Variants in SULT1E1 observed in about 807,000 individuals in gnomAD.
SULT1E1 encodes the protein sulfotransferase 1E1.
In SULT1E1, 36 loss-of-function variants were observed where a neutral mutation model predicts 33.6. That is an observed-to-expected ratio of 1.07 (90% confidence interval 0.82 to 1.41). The LOEUF (loss-of-function observed/expected upper bound fraction) is 1.41. Ranked by LOEUF, SULT1E1 falls within the 40% of genes most tolerant of loss-of-function variation. The probability of loss-of-function intolerance (pLI) is 0.00; values close to 1 mark genes in which losing one functional copy is unlikely to be tolerated. For synonymous variants in SULT1E1, 121 were observed against 111.7 expected, an observed-to-expected ratio of 1.08 and a Z score of -0.53; for missense variants, 371 against 345.7, an observed-to-expected ratio of 1.07 and a Z score of -0.58.
the SULT1E1 span, among the ~76,000 whole-genome samples, chr4:69,834,807 CG>C: frequency 6.6e-6 from 1 of 152,058 alleles, no homozygotes; most frequent in Non-Finnish European, 1.5e-5. Context: ...ATAAAATTTA[CG>C]TAAATTTCCC....
chr4:69,857,766 C>T lies in SULT1E1; in HGVS notation c.-9-113G>A, dbSNP rs564229826. 25 of 891,408 alleles carry T rather than the reference C, an allele frequency of 2.8e-5. No homozygotes were observed. The East Asian group carries it at 6.0e-4, about 21-fold the overall frequency. 55.2% of individuals were successfully genotyped at this position (891,408 alleles called of 1,614,324 possible). On this transcript the variant is annotated intron_variant, in intron 1 of 7. Transcript: ENST00000226444. ...TACCTAGCACTTCTTAGTTGTTGCACATATGGGGCAAAAACATAGTAAAGT... is the reference window on the plus strand; with the variant it reads ...TACCTAGCACTTCTTAGTTGTTGCATATATGGGGCAAAAACATAGTAAAGT...
intron 6 of SULT1E1, 43 bp downstream of exon 6, chr4:69,847,655 T>A (rs1399898038): frequency 1.6e-6 from 2 of 1,266,676 alleles, no homozygotes; most frequent in Non-Finnish European, 1.1e-6. Context: ...AATGCTAACA[T>A]CTTAGAAATT....
At chr4:69,845,916 A>T (rs1000120216) in intron 6 of SULT1E1, among the ~76,000 whole-genome samples, 9 of 151,112 alleles carry the variant, frequency 6.0e-5, no homozygotes, top group Middle Eastern at 3.4e-3. Flanking sequence ...AATTCTATAA[A>T]TACATAATTT....
chr4:69,849,475 G>T lies in SULT1E1; in HGVS notation c.458C>A (p.Ser153Tyr). ...LMVAGHPNPGSFPEFVEKFMQ... is the reference protein window; with the variant it reads ...LMVAGHPNPGYFPEFVEKFMQ... ...GAATTTCTCCACAAACTCTGGAAAG[G>T]ATCCAGGATTTGGATGACCAGCCAC... Residue 153 changes from serine (S) to tyrosine (Y), a missense_variant, in exon 5 of 8, where the codon TCC becomes TAC. By Grantham distance (144) the Ser-to-Tyr change is moderately radical. Transcript: ENST00000226444. The T allele has an allele frequency of 1.2e-6, 2 of 1,611,664 alleles. No homozygotes were observed. Among genetic ancestry groups the T allele is most frequent in the South Asian group, 2.2e-5 (2 of 91,004 alleles).
At chr4:69,842,448 A>G (rs1720901514) in intron 7 of SULT1E1, among the ~76,000 whole-genome samples, 1 of 152,242 alleles carries the variant, frequency 6.6e-6, no homozygotes, top group South Asian at 2.1e-4. Context: ...TAATGCTGAT[A>G]GCACTAAAAT....
intron 4 of SULT1E1, among the ~76,000 whole-genome samples, chr4:69,849,993 C>G (rs1236688359): frequency 1.3e-5 from 2 of 151,798 alleles, no homozygotes; most frequent in Non-Finnish European, 2.9e-5. Flanking sequence ...GTGCTCTGGT[C>G]TTTATACTAC....
rs1270028820 is a variant in SULT1E1, at chr4:69,860,031, A to T, written c.-10+18T>A. On this transcript the variant is annotated intron_variant, in intron 1 of 7. Transcript: ENST00000226444. ...ATCTAAAATCTAAGTATTGATATTA[A>T]TAATAAAAAAGTACAACCTGTTTAG... The T allele has an allele frequency of 6.6e-6, 1 of 152,076 alleles. No individual in the cohort carries two copies. Among genetic ancestry groups the T allele is most frequent in the Non-Finnish European group, 1.5e-5 (1 of 67,966 alleles). The allele number at this position is 152,076 out of a possible 1,614,324, so 9.4% of individuals were successfully genotyped here.
chr4:69,838,454 T>A (rs1271821526), downstream of SULT1E1: 1 of 152,190 alleles, frequency 6.6e-6, no homozygotes, highest in Non-Finnish European at 1.5e-5. Context: ...TTACCTGAGA[T>A]GTGGACCAGA....
chr4:69,848,162 A>G (rs1721020233), intron 5 of SULT1E1, among the ~76,000 whole-genome samples: 1 of 151,312 alleles, frequency 6.6e-6, no homozygotes. Flanking sequence ...TGAAACTATC[A>G]GTGGTCTGAT....
intron 6 of SULT1E1, among the ~76,000 whole-genome samples, chr4:69,845,228 AT>A (rs1257515120): frequency 6.6e-6 from 1 of 151,996 alleles, no homozygotes; most frequent in African/African-American, 2.4e-5. Context: ...ATTTGATAGT[AT>A]ATCATGGTGA....
intron 4 of SULT1E1, among the ~76,000 whole-genome samples, chr4:69,851,362 C>A (rs549878118): frequency 6.6e-6 from 1 of 152,086 alleles, no homozygotes; most frequent in East Asian, 1.9e-4. Flanking sequence ...AGCCAACAGA[C>A]ACATGAAAAA....
At chr4:69,854,905 G>A (rs921669725) in intron 3 of SULT1E1, among the ~76,000 whole-genome samples, 6 of 151,864 alleles carry the variant, frequency 4.0e-5, no homozygotes, top group South Asian at 4.2e-4. Context: ...TTCTTTTGTC[G>A]ATTAGCATTT....
downstream of SULT1E1, among the ~76,000 whole-genome samples, chr4:69,840,570 A>T (rs115980219): frequency 0.022 from 3,375 of 152,306 alleles, 128 homozygotes; most frequent in African/African-American, 0.076. Context: ...TTATTTTACA[A>T]TATTTACATT....
chr4:69,833,106 T>C, the SULT1E1 span, among the ~76,000 whole-genome samples: 8 of 152,186 alleles, frequency 5.3e-5, no homozygotes, highest in African/African-American at 1.9e-4. Context: ...CCTGCCTCAC[T>C]ATATGTGCCT....
At chr4:69,851,208 T>A (rs968572053) in intron 4 of SULT1E1, among the ~76,000 whole-genome samples, 1 of 151,690 alleles carries the variant, frequency 6.6e-6, no homozygotes, top group African/African-American at 2.4e-5. Context: ...TGGGAGAAAA[T>A]TTTTGCAATC....
At chr4:69,829,908 G>C in the SULT1E1 span, among the ~76,000 whole-genome samples, 34 of 152,278 alleles carry the variant, frequency 2.2e-4, no homozygotes, top group African/African-American at 7.7e-4. Context: ...GAGGCCCAAA[G>C]AGATGGAGCC....
chr4:69,822,538 C>T, the SULT1E1 span, among the ~76,000 whole-genome samples: 33 of 152,206 alleles, frequency 2.2e-4, no homozygotes, highest in East Asian at 2.7e-3. Flanking sequence ...ATCATTTGAG[C>T]GTAGAAGTTT....
intron 3 of SULT1E1, 61 bp downstream of exon 3, chr4:69,855,240 C>G: frequency 6.6e-7 from 1 of 1,525,330 alleles, no homozygotes; most frequent in South Asian, 1.3e-5. Flanking sequence ...ATTGCTTGTA[C>G]CATGTACATA....
intron 6 of SULT1E1, among the ~76,000 whole-genome samples, chr4:69,845,891 T>C (rs76513652): frequency 0.044 from 6,619 of 151,100 alleles, 213 homozygotes; most frequent in East Asian, 0.083. Flanking sequence ...CTTATTCAAA[T>C]TTGATCTAGT....
Sources: gnomAD v4.1 joint callset for allele counts (sites outside exome capture counted in the v4.1 genomes callset) on GRCh38, gnomAD v4.1.1 for gene constraint, MANE v1.5 for transcripts, NCBI Gene and HGNC (gene_info 2026-07-23, HGNC 2026-07-21) for gene names.